The following DPP10 variants were observed in gnomAD, a reference collection of about 807,000 sequenced individuals.
DPP10 encodes dipeptidyl peptidase like 10.
Under a neutral mutation model 120.9 loss-of-function variants are expected in DPP10, and 33 were observed. The observed-to-expected ratio is 0.27, with a 90% CI of 0.21 to 0.37. The LOEUF (loss-of-function observed/expected upper bound fraction) is 0.37, where lower values mean the gene tolerates loss of function less well. Ranked by LOEUF, DPP10 falls within the 10% of genes least tolerant of loss-of-function variation. The pLI is 1.00. For synonymous variants in DPP10, 337 were observed against 326.1 expected (o/e 1.03, Z -0.36); for missense variants, 816 against 942.8 (o/e 0.87, Z 1.76).
intron 1 of DPP10, among the ~76,000 whole-genome samples, chr2:114,738,573 G>A (rs1047262182): frequency 1.3e-5 from 2 of 152,308 alleles, no homozygotes; most frequent in African/African-American, 2.4e-5. Flanking sequence ...AGGAGCACCG[G>A]CCTGTGTGAG....
intron 1 of DPP10, among the ~76,000 whole-genome samples, chr2:114,938,169 G>A (rs1043815005): frequency 1.3e-4 from 19 of 151,878 alleles, no homozygotes; most frequent in Admixed American, 6.6e-4. Flanking sequence ...CCCAACTGTC[G>A]GTTTGTAACA....
At chr2:115,295,970 G>A (rs2060868190) in intron 1 of DPP10, among the ~76,000 whole-genome samples, 1 of 152,088 alleles carries the variant, frequency 6.6e-6, no homozygotes, top group Non-Finnish European at 1.5e-5. Flanking sequence ...ATAAATAAAT[G>A]TGTGGAAAAA....
At chr2:115,042,008 CT>C (rs5833573) in intron 1 of DPP10, among the ~76,000 whole-genome samples, 1,865 of 80,324 alleles carry the variant, frequency 0.023, 18 homozygotes, top group African/African-American at 0.071. Context: ...TCTATCTTAT[CT>C]TTTTTTTTTT....
At chr2:114,475,619 T>C (rs957761175) in intron 1 of DPP10, among the ~76,000 whole-genome samples, 4 of 152,146 alleles carry the variant, frequency 2.6e-5, no homozygotes, top group African/African-American at 9.7e-5. Flanking sequence ...ATCTGAATAT[T>C]AACATTTTTT....
chr2:114,809,458 C>T (rs1316216641), intron 1 of DPP10, among the ~76,000 whole-genome samples: 2 of 152,144 alleles, frequency 1.3e-5, no homozygotes, highest in Non-Finnish European at 2.9e-5. Flanking sequence ...TTTGAAGCTT[C>T]GATAAAAGTA....
At chr2:115,426,649 G>A (rs1163299173) in intron 3 of DPP10, among the ~76,000 whole-genome samples, 1 of 151,354 alleles carries the variant, frequency 6.6e-6, no homozygotes, top group Non-Finnish European at 1.5e-5. Flanking sequence ...CGACGCTGGA[G>A]ATGACATTTC....
intron 1 of DPP10, among the ~76,000 whole-genome samples, chr2:114,588,239 C>T (rs1015213045): frequency 1.2e-4 from 19 of 152,246 alleles, no homozygotes; most frequent in African/African-American, 2.4e-4. Flanking sequence ...TATACAAAGG[C>T]GTAACTCATG....
In DPP10 at chr2:114,470,796, A is replaced by G. The variant is rs1318509372; in HGVS notation, c.60+27958A>G. Among the ~76,000 whole-genome samples the G allele has an allele frequency of 7.2e-5, 11 of 152,366 alleles. No homozygotes were observed. In the East Asian group the frequency reaches 1.5e-3, roughly 21 times the overall value. On this transcript the variant is annotated intron_variant, in intron 1 of 25. Coordinates refer to ENST00000410059, the MANE Select transcript of DPP10 (RefSeq NM_020868.6). ...AAAGCCAGAGTATCTTACTTAAGAC[A>G]CTTGAAAGTGGAATACAAAAAGTAT...
Position 115,727,901 on chromosome 2 carries a change from T to G in DPP10, c.662T>G (p.Ile221Arg). The G allele has an allele frequency of 6.2e-7, 1 of 1,608,614 alleles. No homozygotes were observed. The highest frequency in any genetic ancestry group is 8.5e-7 in the Non-Finnish European group (1 of 1,177,724). ...LRLTSSGKEEIIFNGIADWLY... is the reference protein window; with the variant it reads ...LRLTSSGKEERIFNGIADWLY... ...CTGACATCTTCTGGAAAAGAAGAAA[T>G]AATTTTTAATGGGATTGCTGACTGG... The change falls in exon 8 of 26, where the codon ATA (isoleucine) becomes AGA (arginine). Residue 221 changes from isoleucine to arginine, a missense_variant. Ile to Arg is a moderately conservative substitution (Grantham distance 97). Around this residue, in one of 3 missense-constraint regions of DPP10, gnomAD observed 42 missense variants for 86.4 expected, o/e 0.49. Transcript: ENST00000410059.
intron 19 of DPP10, among the ~76,000 whole-genome samples, chr2:115,811,449 T>C (rs1426059524): frequency 2.6e-5 from 4 of 152,222 alleles, no homozygotes; most frequent in Admixed American, 1.3e-4. Context: ...ATTTACTAAT[T>C]GTGAGTTTGA....
At chr2:115,007,196 T>C (rs1701915941) in intron 1 of DPP10, among the ~76,000 whole-genome samples, 1 of 152,188 alleles carries the variant, frequency 6.6e-6, no homozygotes, top group South Asian at 2.1e-4. Context: ...GCAAACCGAA[T>C]CCAGCAGCAC....
At chr2:114,663,832 A>G (rs1433940857) in intron 1 of DPP10, among the ~76,000 whole-genome samples, 1 of 151,964 alleles carries the variant, frequency 6.6e-6, no homozygotes, top group Non-Finnish European at 1.5e-5. Context: ...TAGAATTGGA[A>G]TGGCAAGAGG....
chr2:115,638,796 C>G (rs1168912873), intron 5 of DPP10, among the ~76,000 whole-genome samples: 1 of 152,158 alleles, frequency 6.6e-6, no homozygotes, highest in African/African-American at 2.4e-5. Flanking sequence ...AACAGGACTA[C>G]TTAAAGCCTT....
intron 3 of DPP10, among the ~76,000 whole-genome samples, chr2:115,410,910 G>T (rs2068904939): frequency 6.6e-6 from 1 of 152,044 alleles, no homozygotes; most frequent in South Asian, 2.1e-4. Context: ...TATAAAATTA[G>T]ACTAATTTGT....
chr2:115,205,103 C>T (rs2056030022), intron 1 of DPP10, among the ~76,000 whole-genome samples: 1 of 152,034 alleles, frequency 6.6e-6, no homozygotes, highest in African/African-American at 2.4e-5. Flanking sequence ...TAATTAGGTC[C>T]TACTTGTCAA....
At chr2:115,087,533 CTTTTCTTT>C (rs1442746875) in intron 1 of DPP10, among the ~76,000 whole-genome samples, 2 of 92,590 alleles carry the variant, frequency 2.2e-5, no homozygotes, top group Non-Finnish European at 4.4e-5. Context: ...CTTTTCTTTT[CTTTTCTTT>C]TTTTTTTTTT....
chr2:114,568,367 G>A (rs754320026), intron 1 of DPP10, among the ~76,000 whole-genome samples: 11 of 152,146 alleles, frequency 7.2e-5, no homozygotes, highest in East Asian at 3.9e-4. Flanking sequence ...ATAGTCACTC[G>A]TGAATGGAAC....
intron 1 of DPP10, among the ~76,000 whole-genome samples, chr2:114,622,406 CT>C (rs11358430): frequency 0.38 from 54,149 of 143,060 alleles, 10,682 homozygotes; most frequent in African/African-American, 0.58. Context: ...ATCCATCTAT[CT>C]TTTTTTTTTT....
intron 1 of DPP10, among the ~76,000 whole-genome samples, chr2:114,509,973 G>A (rs1683997076): frequency 6.6e-6 from 1 of 152,174 alleles, no homozygotes; most frequent in South Asian, 2.1e-4. Context: ...CTTCTTATGA[G>A]TGAATCGTGG....
Sources: gnomAD v4.1 joint callset for allele counts (sites outside exome capture counted in the v4.1 genomes callset) on GRCh38, gnomAD v4.1.1 for gene constraint, gnomAD v4.1.1 regional missense constraint, MANE v1.5 for transcripts, NCBI Gene and HGNC (gene_info 2026-07-23, HGNC 2026-07-21) for gene names.